OSBPL8: variants seen among roughly 807,000 people sequenced by gnomAD.
OSBPL8 encodes the protein oxysterol binding protein like 8.
In OSBPL8, 59 loss-of-function variants were observed where a neutral mutation model predicts 125.5. That is an observed-to-expected ratio of 0.47 (90% CI 0.38 to 0.58). OSBPL8 has a LOEUF of 0.58. Ranked by LOEUF, OSBPL8 falls within the 20% of genes least tolerant of loss-of-function variation. The pLI is 0.00. For synonymous variants in OSBPL8, 330 were observed against 338.9 expected (o/e 0.97, Z 0.29); for missense variants, 758 against 1,047.8 (o/e 0.72, Z 3.82).
intron 4 of OSBPL8, among the ~76,000 whole-genome samples, chr12:76,416,182 T>C (rs927276417): frequency 1.3e-5 from 2 of 152,102 alleles, no homozygotes; most frequent in African/African-American, 2.4e-5. Flanking sequence ...ATGAGGCATT[T>C]AGAAATATAT....
At chr12:76,420,451 T>C (rs1469719858) in intron 4 of OSBPL8, among the ~76,000 whole-genome samples, 2 of 152,004 alleles carry the variant, frequency 1.3e-5, no homozygotes, top group Admixed American at 6.6e-5. Flanking sequence ...AACAAACACA[T>C]TGCATCATGA....
chr12:76,467,826 TC>T (rs1875649234), intron 2 of OSBPL8, among the ~76,000 whole-genome samples: 2 of 152,096 alleles, frequency 1.3e-5, no homozygotes, highest in Non-Finnish European at 1.5e-5. Context: ...AAAAACATAG[TC>T]CCTACTGCCA....
chr12:76,373,228 G>T (rs1952686296), intron 18 of OSBPL8, 116 bp downstream of exon 18: 2 of 597,774 alleles, frequency 3.3e-6, no homozygotes, highest in East Asian at 3.0e-5. Context: ...TTAAGATGAA[G>T]CTTATGTTAA....
intron 1 of OSBPL8, among the ~76,000 whole-genome samples, chr12:76,489,705 T>G (rs1160019397): frequency 6.6e-6 from 1 of 152,242 alleles, no homozygotes; most frequent in South Asian, 2.1e-4. Context: ...AAAAGATTAA[T>G]GTTGTTTTCA....
intron 2 of OSBPL8, among the ~76,000 whole-genome samples, chr12:76,465,145 C>T (rs980530060): frequency 6.6e-6 from 1 of 152,164 alleles, no homozygotes; most frequent in Non-Finnish European, 1.5e-5. Flanking sequence ...CAGCTTATCA[C>T]TGTTGGATAA....
chr12:76,414,031 T>C (rs1464410299), intron 4 of OSBPL8, among the ~76,000 whole-genome samples: 1 of 152,242 alleles, frequency 6.6e-6, no homozygotes, highest in African/African-American at 2.4e-5. Flanking sequence ...TTTCCAATAA[T>C]GTAGTTTTAC....
chr12:76,463,805 G>T (rs1875040282), intron 2 of OSBPL8, among the ~76,000 whole-genome samples: 1 of 152,152 alleles, frequency 6.6e-6, no homozygotes, highest in Non-Finnish European at 1.5e-5. Flanking sequence ...TGGGAAACAG[G>T]ATATAAGTAA....
At chr12:76,542,297 GCT>G (rs1326227345) in intron 1 of OSBPL8, among the ~76,000 whole-genome samples, 1 of 152,156 alleles carries the variant, frequency 6.6e-6, no homozygotes, top group Non-Finnish European at 1.5e-5. Flanking sequence ...TCTTTCACTA[GCT>G]CTCCCTCTAT....
intron 8 of OSBPL8, among the ~76,000 whole-genome samples, chr12:76,397,124 C>T (rs928642985): frequency 1.2e-4 from 18 of 152,064 alleles, no homozygotes; most frequent in African/African-American, 4.3e-4. Flanking sequence ...CACAGTAATG[C>T]TTTGCAGTTA....
chr12:76,522,857 T>TTG (rs1950060933), intron 1 of OSBPL8, among the ~76,000 whole-genome samples: 1 of 152,138 alleles, frequency 6.6e-6, no homozygotes, highest in South Asian at 2.1e-4. Flanking sequence ...ATTCCTATAT[T>TTG]TATTTATTTA....
rs529286448 is a variant in OSBPL8, at chr12:76,459,891, A to T, written c.47T>A (p.Leu16His). 4 of 1,613,824 alleles carry T rather than the reference A, an allele frequency of 2.5e-6. No individual in the cohort carries two copies. In the South Asian group the frequency reaches 4.4e-5, roughly 18 times the overall value. Residue 16 changes from leucine to histidine, a missense_variant, in exon 3 of 24, where the codon CTT (leucine) becomes CAT (histidine). By Grantham distance (99) the Leu-to-His change is moderately conservative (BLOSUM62 -3). Around this residue, in one of 3 missense-constraint regions of OSBPL8, gnomAD observed 117 missense variants for 137.1 expected, o/e 0.85. Transcript: ENST00000261183. Reference protein sequence around the residue: ...ADGEPDRTSLLGDSKDVLGPS... With the variant: ...ADGEPDRTSLHGDSKDVLGPS... ...CCCAAGGACATCTTTGCTATCACCA[A>T]GAAGCTTTTAAGGCAGGGTAATTGA...
chr12:76,530,915 C>G (rs985925219), intron 1 of OSBPL8, among the ~76,000 whole-genome samples: 7 of 152,186 alleles, frequency 4.6e-5, no homozygotes, highest in African/African-American at 1.7e-4. Context: ...AAGTTCTCAT[C>G]AATGAACTAC....
In OSBPL8 at chr12:76,397,816, T is replaced by G; in HGVS notation, c.550A>C (p.Asn184His). The G allele has an allele frequency of 6.2e-7, 1 of 1,614,092 alleles. No homozygotes were observed. The highest frequency in any genetic ancestry group is 8.5e-7 in the Non-Finnish European group (1 of 1,179,998). ...GVLLIYKTQK[N>H]GQWVGTVLLN... ...AGAACTGTTCCTACCCACTGACCAT[T>G]TTTTTGGGTTTTATAGATCAGTAGC... The change falls in exon 8 of 24, where the codon AAT becomes CAT. Residue 184 changes from asparagine (N) to histidine (H), a missense_variant. Asn to His is a moderately conservative substitution (Grantham distance 68). Around this residue, in one of 3 missense-constraint regions of OSBPL8, gnomAD observed 69 missense variants for 148.7 expected, o/e 0.46. Transcript: ENST00000261183.
At chr12:76,539,900 C>A (rs1337178499) in intron 1 of OSBPL8, among the ~76,000 whole-genome samples, 1 of 152,166 alleles carries the variant, frequency 6.6e-6, no homozygotes, top group Non-Finnish European at 1.5e-5. Context: ...ATCCCACATC[C>A]CCTAAAAAAG....
intron 16 of OSBPL8, among the ~76,000 whole-genome samples, chr12:76,377,967 A>G (rs950858644): frequency 2.0e-5 from 3 of 152,224 alleles, no homozygotes; most frequent in Non-Finnish European, 2.9e-5. Context: ...GATGACAATT[A>G]TTATGTAATA....
rs139074324 is a variant in OSBPL8 at position 76,471,869 on chromosome 12, A to G, written c.43-11974T>C. On this transcript the variant is annotated intron_variant, in intron 2 of 23. Coordinates refer to ENST00000261183, the MANE Select transcript of OSBPL8 (RefSeq NM_020841.5). ...CACAGCTCCTTTTGCCTACAATGCC[A>G]TTCTCACCTTCACCAGGCAAATACC... Among the ~76,000 whole-genome samples the G allele has an allele frequency of 9.1e-4, 138 of 152,352 alleles. 2 individuals carry two copies. The highest frequency in any genetic ancestry group is 5.3e-4 in the Non-Finnish European group (36 of 68,036).
At chr12:76,529,528 GA>G (rs200831955) in intron 1 of OSBPL8, among the ~76,000 whole-genome samples, 2,338 of 117,702 alleles carry the variant, frequency 0.02, 37 homozygotes, top group African/African-American at 0.057. Flanking sequence ...CTACCAAACA[GA>G]AAAAAAAAAA....
intron 5 of OSBPL8, among the ~76,000 whole-genome samples, chr12:76,404,009 G>C (rs1445269575): frequency 6.6e-6 from 1 of 152,144 alleles, no homozygotes; most frequent in East Asian, 1.9e-4. Flanking sequence ...TGAAAGATGG[G>C]CTATTAAGGT....
intron 1 of OSBPL8, among the ~76,000 whole-genome samples, chr12:76,554,574 T>C (rs1951039775): frequency 1.3e-5 from 2 of 152,152 alleles, no homozygotes; most frequent in Non-Finnish European, 2.9e-5. Context: ...AATAGCCTGA[T>C]TGCGGGGTGG....
Sources: allele counts gnomAD v4.1 joint callset (sites outside exome capture counted in the v4.1 genomes callset), GRCh38; gene constraint gnomAD v4.1.1; regional missense constraint gnomAD v4.1.1; transcripts MANE v1.5; gene names NCBI Gene and HGNC (gene_info 2026-07-23, HGNC 2026-07-21).